SLC39A10: variants seen among roughly 807,000 people sequenced by gnomAD.
The protein encoded by SLC39A10 is zinc transporter ZIP10.
Under a neutral mutation model 65.1 loss-of-function variants are expected in SLC39A10, and 13 were observed. The observed-to-expected ratio is 0.20, with a 90% confidence interval of 0.13 to 0.32. SLC39A10 has a LOEUF of 0.32. Among genes scored for constraint, SLC39A10 ranks in the 10% least tolerant of loss-of-function variants. The probability of loss-of-function intolerance (pLI) is 1.00; values close to 1 mark genes in which losing one functional copy is unlikely to be tolerated. For synonymous variants in SLC39A10, 321 were observed against 342.2 expected (o/e 0.94, Z 0.68); for missense variants, 831 against 1,018.4 (o/e 0.82, Z 2.50).
At chr2:195,658,011 CGGGTGG>C (rs914030257) in intron 1 of SLC39A10, 20 of 152,550 alleles carry the variant, frequency 1.3e-4, no homozygotes, top group African/African-American at 4.6e-4. Context: ...TGGGACAGGC[CGGGTGG>C]GCCGGAGGTG....
chr2:195,682,113 C>G (rs988993029), intron 2 of SLC39A10, among the ~76,000 whole-genome samples: 2 of 152,104 alleles, frequency 1.3e-5, no homozygotes, highest in African/African-American at 4.8e-5. Flanking sequence ...CCTTGATTTT[C>G]TTTTTAACTA....
At chr2:195,619,634 T>G (rs1339641155) in intron 2 of SLC39A10, among the ~76,000 whole-genome samples, 5 of 152,126 alleles carry the variant, frequency 3.3e-5, no homozygotes, top group Admixed American at 3.3e-4. Flanking sequence ...AGCTATAGAA[T>G]GACAAATTAG....
At chr2:195,631,407 T>A (rs1261134546) in intron 2 of SLC39A10, among the ~76,000 whole-genome samples, 1 of 152,154 alleles carries the variant, frequency 6.6e-6, no homozygotes, top group East Asian at 1.9e-4. Flanking sequence ...TTAACCATAA[T>A]GTAGAGTTGT....
chr2:195,644,901 T>TATTTATTC (rs1315323566), intron 2 of SLC39A10, among the ~76,000 whole-genome samples: 2 of 150,556 alleles, frequency 1.3e-5, no homozygotes, highest in Non-Finnish European at 3.0e-5. Flanking sequence ...TTTATTTATT[T>TATTTATTC]ATTTATTTAT....
intron 3 of SLC39A10, among the ~76,000 whole-genome samples, chr2:195,689,368 G>T (rs1329015365): frequency 6.6e-6 from 1 of 152,050 alleles, no homozygotes; most frequent in African/African-American, 2.4e-5. Flanking sequence ...GCTGTAGTGA[G>T]CTGTGATCAC....
intron 2 of SLC39A10, among the ~76,000 whole-genome samples, chr2:195,638,741 C>T (rs149686327): frequency 7.0e-4 from 106 of 152,170 alleles, no homozygotes; most frequent in Non-Finnish European, 1.0e-3. Flanking sequence ...ATTTTCTGTT[C>T]GTGTATTTGT....
chr2:195,644,310 A>T (rs1688866234), intron 2 of SLC39A10, among the ~76,000 whole-genome samples: 1 of 151,726 alleles, frequency 6.6e-6, no homozygotes, highest in Non-Finnish European at 1.5e-5. Flanking sequence ...CAGCCTGAAC[A>T]ACATAGCAAG....
In SLC39A10 at chr2:195,642,092, C is replaced by G. The variant is rs574042613; in HGVS notation, c.-12+35859C>G. Among the ~76,000 whole-genome samples the G allele has an allele frequency of 6.4e-4, 97 of 152,016 alleles. 1 individual carries two copies. Among genetic ancestry groups the G allele is most frequent in the Middle Eastern group, 3.4e-3 (1 of 294 alleles). On this transcript the variant is annotated intron_variant, in intron 2 of 2. Coordinates refer to the SLC39A10 transcript ENST00000458054. ...TTGTTTGTCAGCGAAATTGTTTAAC[C>G]CGAGGGTTATGGGAAGCTGTGAAAG...
chr2:195,649,145 CA>C (rs1688983314), intron 2 of SLC39A10, among the ~76,000 whole-genome samples: 1 of 151,402 alleles, frequency 6.6e-6, no homozygotes, highest in Non-Finnish European at 1.5e-5. Flanking sequence ...CTTGAAAAAA[CA>C]AAACAAAAAA....
chr2:195,654,398 T>C (rs146191601), upstream of SLC39A10, among the ~76,000 whole-genome samples: 1 of 152,320 alleles, frequency 6.6e-6, no homozygotes, highest in East Asian at 1.9e-4. Flanking sequence ...TTATTTCCTC[T>C]TTTGTATTAA....
chr2:195,619,595 T>C (rs1032685495), intron 2 of SLC39A10, among the ~76,000 whole-genome samples: 1 of 152,228 alleles, frequency 6.6e-6, no homozygotes, highest in African/African-American at 2.4e-5. Context: ...ACGAGGAATG[T>C]ACTCAAGGAA....
intron 2 of SLC39A10, among the ~76,000 whole-genome samples, chr2:195,619,132 A>G (rs1688293659): frequency 6.6e-6 from 1 of 151,534 alleles, no homozygotes; most frequent in Non-Finnish European, 1.5e-5. Context: ...GAGAGAAAGG[A>G]AAGAATAATG....
chr2:195,674,537 A>G (rs1161347024), intron 1 of SLC39A10: 1 of 977,908 alleles, frequency 1.0e-6, no homozygotes, highest in Non-Finnish European at 1.2e-6. Flanking sequence ...TCGGCCTCCC[A>G]AAGTACTGGG....
chr2:195,639,145 T>C (rs765904083), intron 2 of SLC39A10, among the ~76,000 whole-genome samples: 28 of 152,156 alleles, frequency 1.8e-4, no homozygotes, highest in African/African-American at 6.3e-4. Context: ...TAAAGATAAG[T>C]CTTGCTATGT....
intron 1 of SLC39A10, among the ~76,000 whole-genome samples, chr2:195,675,875 C>T (rs917588816): frequency 1.4e-4 from 22 of 152,088 alleles, no homozygotes; most frequent in African/African-American, 4.8e-4. Flanking sequence ...TATATACTTC[C>T]ACCAGACGCA....
chr2:195,666,305 A>G (rs1689634211), intron 1 of SLC39A10, among the ~76,000 whole-genome samples: 1 of 152,214 alleles, frequency 6.6e-6, no homozygotes, highest in African/African-American at 2.4e-5. Flanking sequence ...CATGGAAAAG[A>G]AGGATCATTT....
intron 1 of SLC39A10, among the ~76,000 whole-genome samples, chr2:195,669,853 A>G (rs924901642): frequency 1.3e-5 from 2 of 152,124 alleles, no homozygotes; most frequent in Admixed American, 6.5e-5. Context: ...ATAAAAATGA[A>G]TAAATGTCTT....
chr2:195,665,368 C>T lies in SLC39A10; in HGVS notation c.-12+8087C>T, dbSNP rs547688519. Among the ~76,000 whole-genome samples, 7 of 152,246 alleles carry T rather than the reference C, an allele frequency of 4.6e-5. No homozygotes were observed. The South Asian group carries it at 1.4e-3, about 32-fold the overall frequency. ...GTGTGGTGCTGCGCACCTGTAGTCCCAGCTATGTAGGAGGATGGCTTCAGC... is the reference window on the plus strand; with the variant it reads ...GTGTGGTGCTGCGCACCTGTAGTCCTAGCTATGTAGGAGGATGGCTTCAGC... On this transcript the variant is annotated intron_variant, in intron 1 of 9. Transcript: ENST00000359634.
chr2:195,719,859 C>T (rs1239353106), intron 8 of SLC39A10, among the ~76,000 whole-genome samples: 2 of 147,456 alleles, frequency 1.4e-5, no homozygotes, highest in South Asian at 2.2e-4. Flanking sequence ...GGTGTGATCT[C>T]GGCTCACCTC....
Sources: gnomAD v4.1 joint callset for allele counts (sites outside exome capture counted in the v4.1 genomes callset) on GRCh38, gnomAD v4.1.1 for gene constraint, MANE v1.5 for transcripts, NCBI Gene and HGNC (gene_info 2026-07-23, HGNC 2026-07-21) for gene names.